TRPM3: variants seen among roughly 807,000 people sequenced by gnomAD.
The protein encoded by TRPM3 is transient receptor potential cation channel subfamily M member 3, also known as long transient receptor potential channel 3.
TRPM3 carries 77 observed loss-of-function variants against 181.2 expected under a neutral mutation model. That is an observed-to-expected ratio of 0.42 (90% CI 0.35 to 0.51). The LOEUF is 0.51. Among genes scored for constraint, TRPM3 ranks in the 20% least tolerant of loss-of-function variants. TRPM3 has a pLI of 0.01. For missense variants in TRPM3, 1,759 were observed against 2,196.7 expected, an observed-to-expected ratio of 0.80 and a Z score of 3.98; for synonymous variants, 745 against 796.4, an observed-to-expected ratio of 0.94 and a Z score of 1.09.
At chr9:71,261,668 G>A (rs1178216519) in intron 1 of TRPM3, among the ~76,000 whole-genome samples, 1 of 152,142 alleles carries the variant, frequency 6.6e-6, no homozygotes, top group South Asian at 2.1e-4. Context: ...TGCTGTTAGT[G>A]ACTTTCGAAT....
chr9:71,116,862 T>C lies in TRPM3; in HGVS notation c.177+4316A>G, dbSNP rs960050110. 2.6e-5 allele frequency among the ~76,000 whole-genome samples: 4 copies of C among 152,206 alleles called. No individual in the cohort carries two copies. In the South Asian group the frequency reaches 8.3e-4, roughly 31 times the overall value. ...GAATAGTATTTGCTTCAAAGAATTC[T>C]GCTATCGGACACTCCATGGGGCTCA... is the stretch of plus-strand genomic sequence containing the variant. On this transcript the variant is annotated intron_variant, in intron 1 of 25. Coordinates refer to ENST00000677713, the MANE Select transcript of TRPM3 (RefSeq NM_001366145.2).
At chr9:70,670,000 G>A (rs1156427824) in intron 9 of TRPM3, among the ~76,000 whole-genome samples, 1 of 152,142 alleles carries the variant, frequency 6.6e-6, no homozygotes, top group African/African-American at 2.4e-5. Context: ...GCCTCCCAAA[G>A]TGCTAAGATT....
intron 6 of TRPM3, among the ~76,000 whole-genome samples, chr9:70,823,635 T>A (rs2093350614): frequency 1.3e-5 from 2 of 152,246 alleles, no homozygotes; most frequent in Non-Finnish European, 2.9e-5. Context: ...AAGCACTTTT[T>A]AAAAACTATC....
At chr9:70,545,551 T>TC (rs1284320460) in intron 25 of TRPM3, among the ~76,000 whole-genome samples, 1 of 132,590 alleles carries the variant, frequency 7.5e-6, no homozygotes, top group African/African-American at 3.2e-5. Context: ...TTTCTTTCTT[T>TC]TTTTTTTTTT....
intron 24 of TRPM3, among the ~76,000 whole-genome samples, chr9:70,550,056 A>T (rs2046092875): frequency 6.6e-6 from 1 of 152,200 alleles, no homozygotes. Flanking sequence ...GATTGGCCTT[A>T]CTAAAAGCCC....
At chr9:71,068,652 A>G (rs2062267144) in intron 1 of TRPM3, among the ~76,000 whole-genome samples, 1 of 152,174 alleles carries the variant, frequency 6.6e-6, no homozygotes, top group African/African-American at 2.4e-5. Flanking sequence ...ATGCTATGTG[A>G]GTGGCCATGC....
intron 6 of TRPM3, among the ~76,000 whole-genome samples, chr9:70,809,725 A>G (rs1300645439): frequency 6.6e-6 from 1 of 152,184 alleles, no homozygotes; most frequent in Non-Finnish European, 1.5e-5. Flanking sequence ...GCATGACAGT[A>G]TATGTAACCT....
At chr9:71,425,100 C>CTCTT (rs140883169) in intron 1 of TRPM3, among the ~76,000 whole-genome samples, 1 of 151,794 alleles carries the variant, frequency 6.6e-6, no homozygotes, top group African/African-American at 2.4e-5. Flanking sequence ...CTACATATGT[C>CTCTT]TCTGGTTTTT....
chr9:70,608,100 A>C (rs1238737415), intron 19 of TRPM3, among the ~76,000 whole-genome samples: 1 of 152,258 alleles, frequency 6.6e-6, no homozygotes, highest in Non-Finnish European at 1.5e-5. Flanking sequence ...GCTGAGCTGT[A>C]ACCAATCCAG....
At chr9:71,426,151 T>C (rs187489769) in intron 1 of TRPM3, among the ~76,000 whole-genome samples, 1 of 152,292 alleles carries the variant, frequency 6.6e-6, no homozygotes. Context: ...AGGACAGCAG[T>C]AAGCCCAGCG....
chr9:70,807,140 T>C (rs2090865981), intron 6 of TRPM3, among the ~76,000 whole-genome samples: 1 of 152,198 alleles, frequency 6.6e-6, no homozygotes, highest in African/African-American at 2.4e-5. Flanking sequence ...GCACTTCTAC[T>C]AAATGGAATG....
chr9:70,957,377 T>G (rs2133776507), intron 1 of TRPM3, among the ~76,000 whole-genome samples: 1 of 152,272 alleles, frequency 6.6e-6, no homozygotes, highest in Non-Finnish European at 1.5e-5. Flanking sequence ...CACTGAGCAC[T>G]TATGAAGCAT....
At chr9:71,180,050 CTTTTTT>C (rs35877663) in intron 1 of TRPM3, among the ~76,000 whole-genome samples, 1 of 101,188 alleles carries the variant, frequency 9.9e-6, no homozygotes, top group African/African-American at 3.7e-5. Context: ...ATACATCCTT[CTTTTTT>C]TTTTTTTTTT....
chr9:70,748,632 G>A (rs1235682931), intron 8 of TRPM3, among the ~76,000 whole-genome samples: 1 of 152,130 alleles, frequency 6.6e-6, no homozygotes. Flanking sequence ...GCCTGAGGAA[G>A]CTTGCTTGCC....
At chr9:70,787,300 C>A (rs965049033) in intron 6 of TRPM3, among the ~76,000 whole-genome samples, 1 of 152,022 alleles carries the variant, frequency 6.6e-6, no homozygotes, top group Non-Finnish European at 1.5e-5. Context: ...AAAAATTGAA[C>A]GGAGCAAACT....
chr9:71,014,090 G>A (rs1220531164), intron 1 of TRPM3, among the ~76,000 whole-genome samples: 1 of 151,766 alleles, frequency 6.6e-6, no homozygotes, highest in African/African-American at 2.4e-5. Context: ...CACTACTTCA[G>A]TTATATTAAC....
chr9:71,035,022 C>T (rs1248561614), intron 1 of TRPM3, among the ~76,000 whole-genome samples: 1 of 152,098 alleles, frequency 6.6e-6, no homozygotes, highest in Non-Finnish European at 1.5e-5. Flanking sequence ...TCCTTGTTTA[C>T]AGCGGCAATT....
Position 70,529,417 on chromosome 9 carries a change from A to G in TRPM3, c.*6536T>C, listed in dbSNP as rs929225831. On this transcript the variant is annotated 3_prime_UTR_variant, in exon 26 of 26. Transcript: ENST00000677713. ...ATTATAAACTAGGGTTAGAACGTTT[A>G]CAAATGAGAGTCTAGGTCCTATATT... is the stretch of plus-strand genomic sequence containing the variant. The G allele has an allele frequency of 6.6e-6, 1 of 152,230 alleles. No individual in the cohort carries two copies. The highest frequency in any genetic ancestry group is 1.5e-5 in the Non-Finnish European group (1 of 68,046). The allele number at this position is 152,230 out of a possible 1,614,324, so 9.4% of individuals were successfully genotyped here.
At chr9:70,590,742 TA>T (rs141232695) in intron 22 of TRPM3, among the ~76,000 whole-genome samples, 7,005 of 152,296 alleles carry the variant, frequency 0.046, 555 homozygotes, top group African/African-American at 0.16. Flanking sequence ...GTTTGAATCA[TA>T]AAGTAATTTA....
Sources: allele counts gnomAD v4.1 joint callset (sites outside exome capture counted in the v4.1 genomes callset), GRCh38; gene constraint gnomAD v4.1.1; transcripts MANE v1.5; gene names NCBI Gene and HGNC (gene_info 2026-07-23, HGNC 2026-07-21).